Variants in GPC6 observed in about 807,000 individuals in gnomAD.
The protein encoded by GPC6 is glypican 6.
Under a neutral mutation model 55.2 loss-of-function variants are expected in GPC6, and 14 were observed. The observed-to-expected ratio is 0.25, with a 90% CI of 0.17 to 0.40. The LOEUF (loss-of-function observed/expected upper bound fraction) is 0.40. Among genes scored for constraint, GPC6 ranks in the 10% least tolerant of loss-of-function variants. GPC6 has a pLI of 1.00. For missense variants in GPC6, 641 were observed against 708.5 expected (o/e 0.90, Z 1.08); for synonymous variants, 278 against 259.6 (o/e 1.07, Z -0.68).
chr13:94,306,032 G>C lies in GPC6; in HGVS notation c.1061G>C (p.Arg354Pro), dbSNP rs765293019. 2 of 1,614,030 alleles carry C rather than the reference G, an allele frequency of 1.2e-6. No homozygotes were observed. The highest frequency in any genetic ancestry group is 1.7e-6 in the Non-Finnish European group (2 of 1,179,912). The change falls in exon 6 of 9, where the codon CGC becomes CCC. Residue 354 changes from arginine to proline, a missense_variant. Transcript: ENST00000377047. The stretch of plus-strand genomic sequence containing the variant: ...CCTGCTCCAGCCCTCAGATCTGCCC[G>C]CTCAGCTCCTGAAAATTTTAATACA... ...PKPAPALRSA[R>P]SAPENFNTRF...
At chr13:93,911,394 A>G (rs548031894) in intron 3 of GPC6, among the ~76,000 whole-genome samples, 1 of 136,938 alleles carries the variant, frequency 7.3e-6, no homozygotes, top group East Asian at 2.2e-4. Context: ...TACCATGAAT[A>G]AAGATAATTG....
At chr13:93,918,977 A>G (rs534793276) in intron 3 of GPC6, among the ~76,000 whole-genome samples, 38 of 152,302 alleles carry the variant, frequency 2.5e-4, no homozygotes, top group African/African-American at 7.9e-4. Flanking sequence ...CCAGTGTGGG[A>G]GGTGGAACCT....
intron 1 of GPC6, among the ~76,000 whole-genome samples, chr13:93,260,940 A>C (rs1367675896): frequency 6.6e-6 from 1 of 152,130 alleles, no homozygotes; most frequent in Admixed American, 6.5e-5. Context: ...GAATTATAAA[A>C]TGTTATGGTG....
intron 5 of GPC6, among the ~76,000 whole-genome samples, chr13:94,297,581 G>T (rs892239724): frequency 6.6e-6 from 1 of 152,152 alleles, no homozygotes; most frequent in Non-Finnish European, 1.5e-5. Flanking sequence ...ATCTTCTCAT[G>T]CAATGCAAAT....
chr13:93,941,157 C>T (rs983942829), intron 3 of GPC6, among the ~76,000 whole-genome samples: 1 of 152,078 alleles, frequency 6.6e-6, no homozygotes, highest in African/African-American at 2.4e-5. Flanking sequence ...TTAAGACAGC[C>T]TATAGAAAAC....
intron 2 of GPC6, among the ~76,000 whole-genome samples, chr13:93,594,490 A>G (rs1877639851): frequency 6.6e-6 from 1 of 152,050 alleles, no homozygotes; most frequent in Non-Finnish European, 1.5e-5. Context: ...AAGTACTGTG[A>G]CTGATTTTTC....
chr13:93,249,879 T>G (rs996386113), intron 1 of GPC6, among the ~76,000 whole-genome samples: 1 of 152,210 alleles, frequency 6.6e-6, no homozygotes, highest in Non-Finnish European at 1.5e-5. Context: ...CTCCACCTCT[T>G]GGTTTCTCCT....
chr13:94,348,466 T>G (rs2139165269), intron 6 of GPC6, among the ~76,000 whole-genome samples: 1 of 152,314 alleles, frequency 6.6e-6, no homozygotes, highest in South Asian at 2.1e-4. Context: ...TCTGACAAAC[T>G]CCCAGATAAG....
At chr13:94,067,633 A>G (rs181136574) in intron 4 of GPC6, among the ~76,000 whole-genome samples, 52 of 152,266 alleles carry the variant, frequency 3.4e-4, no homozygotes, top group African/African-American at 1.3e-3. Context: ...ACAGACAGAC[A>G]GACAGATAGA....
intron 2 of GPC6, among the ~76,000 whole-genome samples, chr13:93,629,823 C>A (rs1170891656): frequency 6.6e-6 from 1 of 152,124 alleles, no homozygotes; most frequent in African/African-American, 2.4e-5. Context: ...TCTTTCTTGA[C>A]AAGAGTAGAG....
chr13:93,907,708 CTCTA>C (rs1566597181), intron 3 of GPC6, among the ~76,000 whole-genome samples: 1 of 152,158 alleles, frequency 6.6e-6, no homozygotes, highest in East Asian at 1.9e-4. Context: ...GAAGCTGTGA[CTCTA>C]TTTAGTAGTT....
intron 2 of GPC6, among the ~76,000 whole-genome samples, chr13:93,700,395 C>T (rs748502657): frequency 1.3e-5 from 2 of 151,986 alleles, no homozygotes; most frequent in Non-Finnish European, 2.9e-5. Flanking sequence ...GCCCTGGCAC[C>T]AGTGTAAACC....
rs143147233 is a variant in GPC6 at position 93,735,843 on chromosome 13, T to C, written c.320-94311T>C. Among the ~76,000 whole-genome samples, 95 of 152,340 alleles carry C rather than the reference T, an allele frequency of 6.2e-4. 1 individual carries two copies. The highest frequency in any genetic ancestry group is 3.4e-3 in the Middle Eastern group (1 of 294). On this transcript the variant is annotated intron_variant, in intron 2 of 8. Coordinates refer to ENST00000377047, the MANE Select transcript of GPC6 (RefSeq NM_005708.5). ...TGGAGGATCTGATCCATTTCTATGC[T>C]GGATATTTGCATCCATTATTTGGCT...
intron 1 of GPC6, among the ~76,000 whole-genome samples, chr13:93,420,569 G>C (rs1382480126): frequency 6.6e-6 from 1 of 152,146 alleles, no homozygotes; most frequent in Non-Finnish European, 1.5e-5. Context: ...ATGGAATTTG[G>C]ATTTTTAATT....
intron 1 of GPC6, among the ~76,000 whole-genome samples, chr13:93,231,563 T>A (rs1021751047): frequency 6.6e-6 from 1 of 151,522 alleles, no homozygotes; most frequent in Admixed American, 6.6e-5. Flanking sequence ...GGATTTTGTA[T>A]TCTCAGGAAT....
intron 2 of GPC6, among the ~76,000 whole-genome samples, chr13:93,688,990 T>C (rs181467680): frequency 4.8e-4 from 73 of 152,214 alleles, no homozygotes; most frequent in Non-Finnish European, 1.8e-4. Flanking sequence ...CTCTGATTTA[T>C]AGAGTATCTG....
intron 1 of GPC6, among the ~76,000 whole-genome samples, chr13:93,381,208 G>A (rs1259551596): frequency 6.6e-6 from 1 of 152,086 alleles, no homozygotes; most frequent in African/African-American, 2.4e-5. Context: ...ATAAGTGTGT[G>A]TACCTGAGGT....
At chr13:94,194,843 T>C (rs894464667) in intron 4 of GPC6, among the ~76,000 whole-genome samples, 2 of 151,914 alleles carry the variant, frequency 1.3e-5, no homozygotes, top group Non-Finnish European at 2.9e-5. Flanking sequence ...TACAGAAGCA[T>C]GTGTTGTGTA....
intron 1 of GPC6, among the ~76,000 whole-genome samples, chr13:93,331,281 C>T (rs577391978): frequency 7.2e-5 from 11 of 152,104 alleles, no homozygotes; most frequent in South Asian, 2.1e-4. Flanking sequence ...TTCTGTCCTT[C>T]GAAAGGAATT....
Sources: gnomAD v4.1 joint callset for allele counts (sites outside exome capture counted in the v4.1 genomes callset) on GRCh38, gnomAD v4.1.1 for gene constraint, MANE v1.5 for transcripts, NCBI Gene and HGNC (gene_info 2026-07-23, HGNC 2026-07-21) for gene names.